Variants in MIB1 observed in about 807,000 individuals in gnomAD.
The protein encoded by MIB1 is MIB E3 ubiquitin protein ligase 1, also known as E3 ubiquitin-protein ligase MIB1.
A neutral mutation model predicts 124.5 loss-of-function variants in MIB1; 278 were observed. The ratio of observed to expected loss-of-function variants is 2.23; its 90% CI spans 2.02 to 2.47. The LOEUF (loss-of-function observed/expected upper bound fraction) is 2.47. MIB1 is among the 30% of genes most tolerant of loss of function. The pLI is 0.00. For synonymous variants in MIB1, 446 were observed against 429.4 expected (o/e 1.04, Z -0.48); for missense variants, 957 against 1,254.4 (o/e 0.76, Z 3.58).
rs559466387 is a variant in MIB1 at position 21,862,736 on chromosome 18, G to A, written c.2881-1790G>A. On this transcript the variant is annotated intron_variant, in intron 20 of 20. Transcript: ENST00000261537. ...AAGGTTTTCAATCCCGCTGAGCCTC[G>A]TTTTCCTCATTTTCCAAGTGGGAAT... 6.6e-5 allele frequency among the ~76,000 whole-genome samples: 10 copies of A among 152,190 alleles called. No homozygotes were observed. The East Asian group carries it at 1.5e-3, about 24-fold the overall frequency.
At chr18:21,739,934 AC>A (rs1265509471), upstream of MIB1, among the ~76,000 whole-genome samples, 38 of 150,528 alleles carry the variant, frequency 2.5e-4, no homozygotes, top group African/African-American at 2.7e-4. Flanking sequence ...AAAAAAAAAA[AC>A]AACAACAAAA....
intron 11 of MIB1, 32 bp downstream of exon 11, chr18:21,815,845 T>G: frequency 4.5e-6 from 7 of 1,561,456 alleles, no homozygotes; most frequent in Non-Finnish European, 5.3e-6. Flanking sequence ...ATCCTGCAGG[T>G]ATTGCTAGGA....
At chr18:21,726,687 C>T (rs1204761080) in intron 1 of MIB1, among the ~76,000 whole-genome samples, 1 of 152,146 alleles carries the variant, frequency 6.6e-6, no homozygotes, top group East Asian at 1.9e-4. Flanking sequence ...ATAGTATAAA[C>T]TTCAGGGAGT....
intron 10 of MIB1, among the ~76,000 whole-genome samples, chr18:21,807,748 A>C (rs2041725139): frequency 2.6e-5 from 4 of 152,242 alleles, no homozygotes; most frequent in African/African-American, 9.6e-5. Flanking sequence ...GCTAAAGTGG[A>C]GAAAATAGTT....
At chr18:21,718,011 G>T (rs2040697379) in intron 1 of MIB1, among the ~76,000 whole-genome samples, 1 of 152,178 alleles carries the variant, frequency 6.6e-6, no homozygotes, top group South Asian at 2.1e-4. Context: ...ATCAGTCAGT[G>T]AATGAATAAA....
intron 4 of MIB1, among the ~76,000 whole-genome samples, chr18:21,777,114 G>A (rs2041298158): frequency 6.6e-6 from 1 of 151,888 alleles, no homozygotes; most frequent in South Asian, 2.1e-4. Flanking sequence ...TTTGGTAAAA[G>A]TATCTTTAAA....
At chr18:21,772,469 T>G (rs2041233938) in intron 3 of MIB1, among the ~76,000 whole-genome samples, 1 of 152,232 alleles carries the variant, frequency 6.6e-6, no homozygotes, top group African/African-American at 2.4e-5. Context: ...ATATGAAACT[T>G]CTTGAACACT....
At chr18:21,831,222 T>C (rs2041978208) in intron 12 of MIB1, 1 of 151,608 alleles carries the variant, frequency 6.6e-6, no homozygotes, top group Non-Finnish European at 1.5e-5. Flanking sequence ...TTCTGACTTC[T>C]TAGGAAATAG....
chr18:21,718,289 G>C (rs2146356471), intron 1 of MIB1, among the ~76,000 whole-genome samples: 1 of 152,248 alleles, frequency 6.6e-6, no homozygotes, highest in East Asian at 1.9e-4. Context: ...TGGGTGCAGT[G>C]TATACTGCTT....
intron 1 of MIB1, among the ~76,000 whole-genome samples, chr18:21,747,602 C>T (rs944427669): frequency 6.6e-6 from 1 of 152,154 alleles, no homozygotes; most frequent in African/African-American, 2.4e-5. Context: ...ACTAGATTGG[C>T]ATTATTAGTT....
intron 8 of MIB1, 132 bp from the exon 9 acceptor site, chr18:21,799,709 G>A: frequency 1.1e-6 from 1 of 875,728 alleles, no homozygotes; most frequent in South Asian, 2.7e-5. Flanking sequence ...AACTTGCATG[G>A]GTAGAAAAAT....
chr18:21,817,099 A>T (rs2041836397), intron 11 of MIB1, among the ~76,000 whole-genome samples: 2 of 150,480 alleles, frequency 1.3e-5, no homozygotes, highest in East Asian at 2.0e-4. Context: ...GTGCCGCCAG[A>T]TACAGGAGTA....
chr18:21,750,623 G>C (rs577400461), intron 1 of MIB1, among the ~76,000 whole-genome samples: 2 of 152,070 alleles, frequency 1.3e-5, no homozygotes, highest in East Asian at 3.9e-4. Context: ...CACCACGCTC[G>C]GCCTAATTTT....
intron 1 of MIB1, among the ~76,000 whole-genome samples, chr18:21,713,612 CAAAA>C (rs57282241): frequency 1.1e-3 from 50 of 44,198 alleles, no homozygotes; most frequent in African/African-American, 3.0e-3. Context: ...GATTCTGTCT[CAAAA>C]AAAAAAAAAA....
At chr18:21,707,405 A>C (rs1411581369) in intron 1 of MIB1, among the ~76,000 whole-genome samples, 1 of 152,212 alleles carries the variant, frequency 6.6e-6, no homozygotes, top group Non-Finnish European at 1.5e-5. Context: ...CGATAAGGGA[A>C]TAAAAGCAGG....
At chr18:21,828,289 T>C (rs2041945718) in intron 12 of MIB1, 1 of 151,986 alleles carries the variant, frequency 6.6e-6, no homozygotes, top group South Asian at 2.1e-4. Context: ...CAATATACCC[T>C]GCTGACTTAC....
intron 1 of MIB1, among the ~76,000 whole-genome samples, chr18:21,705,568 A>G (rs967586124): frequency 1.3e-5 from 2 of 152,184 alleles, no homozygotes; most frequent in African/African-American, 4.8e-5. Context: ...TTAATAGCCT[A>G]TTCCTACTCT....
At chr18:21,752,238 C>T (rs2040982884) in intron 1 of MIB1, among the ~76,000 whole-genome samples, 1 of 152,014 alleles carries the variant, frequency 6.6e-6, no homozygotes, top group Non-Finnish European at 1.5e-5. Flanking sequence ...AGGACAAGCT[C>T]TGCCCTCAGC....
intron 12 of MIB1, chr18:21,827,294 G>A (rs896850129): frequency 2.0e-5 from 3 of 151,966 alleles, no homozygotes; most frequent in Admixed American, 6.6e-5. Flanking sequence ...AGTTAAACTC[G>A]CAAGCACCAG....
Sources: gnomAD v4.1 joint callset for allele counts (sites outside exome capture counted in the v4.1 genomes callset) on GRCh38, gnomAD v4.1.1 for gene constraint, MANE v1.5 for transcripts, NCBI Gene and HGNC (gene_info 2026-07-23, HGNC 2026-07-21) for gene names.